Variants in AFAP1 observed in about 807,000 individuals in gnomAD.
AFAP1 encodes actin filament-associated protein 1.
AFAP1 carries 75 observed loss-of-function variants against 93.9 expected under a neutral mutation model. The observed-to-expected ratio is 0.80, with a 90% CI of 0.66 to 0.97. AFAP1 has a LOEUF of 0.97. Among genes scored for constraint, AFAP1 ranks in the 50% least tolerant of loss-of-function variants. AFAP1 has a pLI of 0.00. For synonymous variants in AFAP1, 517 were observed against 430.7 expected, an observed-to-expected ratio of 1.20 and a Z score of -2.48; for missense variants, 1,201 against 1,050.8, an observed-to-expected ratio of 1.14 and a Z score of -1.98.
chr4:7,922,772 C>T (rs1039299340), intron 1 of AFAP1, among the ~76,000 whole-genome samples: 7 of 152,130 alleles, frequency 4.6e-5, no homozygotes, highest in East Asian at 3.9e-4. Context: ...CTGCTTGAGG[C>T]CAGGAGTTTG....
intron 1 of AFAP1, among the ~76,000 whole-genome samples, chr4:7,883,781 A>G (rs1180938497): frequency 6.6e-6 from 1 of 152,252 alleles, no homozygotes; most frequent in Non-Finnish European, 1.5e-5. Context: ...TACATAGGGA[A>G]AACTTAAAAC....
At chr4:7,936,798 G>T (rs190349399) in intron 1 of AFAP1, among the ~76,000 whole-genome samples, 1 of 152,114 alleles carries the variant, frequency 6.6e-6, no homozygotes, top group East Asian at 1.9e-4. Flanking sequence ...AGCCAGGATG[G>T]TCTCCATCTT....
chr4:7,771,056 C>CCCT (rs1715356649), intron 16 of AFAP1, among the ~76,000 whole-genome samples: 1 of 152,236 alleles, frequency 6.6e-6, no homozygotes, highest in Non-Finnish European at 1.5e-5. Context: ...CCCCCTGCAC[C>CCCT]CCTCCTCCTC....
chr4:7,904,283 C>G (rs767409143), intron 1 of AFAP1, among the ~76,000 whole-genome samples: 1 of 151,948 alleles, frequency 6.6e-6, no homozygotes, highest in South Asian at 2.1e-4. Context: ...AAGAAACAAG[C>G]GGAAACGGCT....
intron 6 of AFAP1, among the ~76,000 whole-genome samples, chr4:7,826,883 T>C (rs535155529): frequency 6.6e-5 from 10 of 152,218 alleles, no homozygotes; most frequent in Admixed American, 5.2e-4. Flanking sequence ...TGGAATGTCA[T>C]GGAAACTCCT....
Position 7,838,700 on chromosome 4 carries a change from A to G in AFAP1, c.550T>C (p.Tyr184His). ...GGCTGCTGGTCCTTGGAACTTTTAT[A>G]GCACTGCATTCAACACAACAAATCA... ...CVIKDTKLLC[Y>H]KSSKDQQPQM... Residue 184 changes from tyrosine to histidine, a missense_variant, in exon 6 of 18, where the codon TAT becomes CAT. Tyr to His is a moderately conservative substitution (Grantham distance 83, BLOSUM62 2). Transcript: ENST00000420658. The G allele has an allele frequency of 1.2e-6, 2 of 1,614,040 alleles. No individual in the cohort carries two copies. The highest frequency in any genetic ancestry group is 1.7e-6 in the Non-Finnish European group (2 of 1,179,962).
intron 3 of AFAP1, among the ~76,000 whole-genome samples, chr4:7,864,167 A>ATTCCCAACTT (rs1577313455): frequency 1.8e-4 from 23 of 125,822 alleles, no homozygotes; most frequent in South Asian, 5.4e-4. Flanking sequence ...ATCACAACCC[A>ATTCCCAACTT]CAGGTCCTTT....
At chr4:7,937,511 A>C (rs1409319055) in intron 1 of AFAP1, among the ~76,000 whole-genome samples, 3 of 152,138 alleles carry the variant, frequency 2.0e-5, no homozygotes, top group Admixed American at 2.0e-4. Context: ...TTTTGAGACG[A>C]AGTCTTACTC....
chr4:7,874,350 CT>C (rs1178468163), intron 1 of AFAP1, among the ~76,000 whole-genome samples: 1 of 111,026 alleles, frequency 9.0e-6, no homozygotes, highest in Non-Finnish European at 1.8e-5. Flanking sequence ...GTCAGATTGC[CT>C]TTTTCTTTTT....
chr4:7,909,985 C>T (rs1158238656), intron 1 of AFAP1, among the ~76,000 whole-genome samples: 1 of 152,148 alleles, frequency 6.6e-6, no homozygotes, highest in Non-Finnish European at 1.5e-5. Flanking sequence ...ATAATATTGG[C>T]AAAGAAGCCA....
chr4:7,891,412 AG>A (rs1198554906), intron 1 of AFAP1, among the ~76,000 whole-genome samples: 3 of 152,232 alleles, frequency 2.0e-5, no homozygotes, highest in Admixed American at 6.5e-5. Flanking sequence ...TAACTGGTCA[AG>A]GTCACGTAAA....
intron 1 of AFAP1, among the ~76,000 whole-genome samples, chr4:7,914,270 G>A (rs990450404): frequency 7.2e-5 from 11 of 152,032 alleles, no homozygotes; most frequent in Non-Finnish European, 1.3e-4. Context: ...GGCCAGGCTG[G>A]TCTCTAACTC....
In AFAP1 at chr4:7,838,572, C is replaced by G. The variant is rs972471580; in HGVS notation, c.678G>C (p.Pro226=). ...ELKITQQGTD[P]LVLAVQSKEQ... is the part of the protein sequence containing the mutation. ...CCTTGCTCTGGACGGCGAGAACAAGCGGGTCCGTGCCCTGCTGAGTAATCT... is the reference window on the plus strand; with the variant it reads ...CCTTGCTCTGGACGGCGAGAACAAGGGGGTCCGTGCCCTGCTGAGTAATCT... Residue 226 remains proline (P), a synonymous_variant, in exon 6 of 18, where the codon CCG becomes CCC. Transcript: ENST00000420658. 1.9e-6 allele frequency: 3 copies of G among 1,613,988 alleles called. No individual in the cohort carries two copies. Among genetic ancestry groups the G allele is most frequent in the Non-Finnish European group, 2.5e-6 (3 of 1,180,008 alleles).
intron 3 of AFAP1, among the ~76,000 whole-genome samples, chr4:7,860,420 T>C (rs181380786): frequency 6.9e-4 from 105 of 152,310 alleles, no homozygotes; most frequent in Non-Finnish European, 9.6e-4. Context: ...TCAAAGGACA[T>C]GTTCATTGGA....
In AFAP1 at chr4:7,854,494, G is replaced by A. The variant is rs138501945; in HGVS notation, c.334+972C>T. On this transcript the variant is annotated intron_variant, in intron 4 of 17. Coordinates refer to ENST00000420658, the MANE Select transcript of AFAP1 (RefSeq NM_001134647.2). ...ACAACCTCCTTCCAATCATCAAGAC[G>A]GATCCTGCTTTGGTGGAATAGCCGC... 4.8e-3 allele frequency among the ~76,000 whole-genome samples: 727 copies of A among 152,290 alleles called. 3 individuals carry two copies. The highest frequency in any genetic ancestry group is 8.9e-3 in the Admixed American group (136 of 15,298).
In AFAP1 at chr4:7,761,425, C is replaced by T. The variant is rs1252374254; in HGVS notation, c.*2340G>A. ...ATGCTGGGAGTCGAGCACCAATCAG[C>T]TGTGCCGTTGGGCAAGTCCCTGCTA... is the stretch of plus-strand genomic sequence containing the variant. On this transcript the variant is annotated 3_prime_UTR_variant, in exon 18 of 18. Transcript: ENST00000420658. 2 of 152,280 alleles carry T rather than the reference C, an allele frequency of 1.3e-5. No homozygotes were observed. Among genetic ancestry groups the T allele is most frequent in the Non-Finnish European group, 1.5e-5 (1 of 68,066 alleles). The allele number at this position is 152,280 out of a possible 1,614,324, so 9.4% of individuals were successfully genotyped here.
Position 7,838,680 on chromosome 4 carries a change from C to T in AFAP1, c.570G>A (p.Gln190=), listed in dbSNP as rs1712610352. The T allele has an allele frequency of 1.2e-6, 2 of 1,613,988 alleles. No homozygotes were observed. The highest frequency in any genetic ancestry group is 1.3e-5 in the African/African-American group (1 of 74,920). ...KLLCYKSSKD[Q]QPQMELPLQG... ...GGAGTGGCAGTTCCATCTGAGGCTG[C>T]TGGTCCTTGGAACTTTTATAGCACT... is the stretch of plus-strand genomic sequence containing the variant. Residue 190 remains glutamine, a synonymous_variant, in exon 6 of 18, where the codon CAG becomes CAA. Transcript: ENST00000420658.
At chr4:7,873,309 G>A (rs1250566476) in intron 1 of AFAP1, among the ~76,000 whole-genome samples, 4 of 140,642 alleles carry the variant, frequency 2.8e-5, no homozygotes, top group Non-Finnish European at 4.6e-5. Flanking sequence ...AAAAAATAAT[G>A]GCTTTTCTTA....
At chr4:7,790,644 G>A (rs1025366227) in intron 11 of AFAP1, among the ~76,000 whole-genome samples, 1 of 149,484 alleles carries the variant, frequency 6.7e-6, no homozygotes, top group African/African-American at 2.6e-5. Flanking sequence ...ATAGACTTAC[G>A]GATCTTATAT....
Sources: gnomAD v4.1 joint callset for allele counts (sites outside exome capture counted in the v4.1 genomes callset) on GRCh38, gnomAD v4.1.1 for gene constraint, MANE v1.5 for transcripts, NCBI Gene and HGNC (gene_info 2026-07-23, HGNC 2026-07-21) for gene names.